RABGAP1: variants seen among roughly 807,000 people sequenced by gnomAD.
RABGAP1 encodes the protein rab GTPase-activating protein 1.
A neutral mutation model predicts 137.6 loss-of-function variants in RABGAP1; 23 were observed. The ratio of observed to expected loss-of-function variants is 0.17; its 90% CI spans 0.12 to 0.24. The LOEUF (loss-of-function observed/expected upper bound fraction) is 0.24. RABGAP1 is among the 10% of genes least tolerant of loss of function. The probability of loss-of-function intolerance (pLI) is 1.00; values close to 1 mark genes in which losing one functional copy is unlikely to be tolerated. For missense variants in RABGAP1, 906 were observed against 1,275.8 expected, an observed-to-expected ratio of 0.71 and a Z score of 4.42; for synonymous variants, 451 against 450.7, an observed-to-expected ratio of 1.00 and a Z score of -0.01.
intron 13 of RABGAP1, among the ~76,000 whole-genome samples, chr9:123,036,616 A>G (rs2032677162): frequency 6.6e-6 from 1 of 152,242 alleles, no homozygotes; most frequent in Admixed American, 6.5e-5. Flanking sequence ...ACCGTAGTAT[A>G]CAGATTGTTT....
intron 10 of RABGAP1, among the ~76,000 whole-genome samples, chr9:123,003,352 C>T (rs919499826): frequency 6.6e-5 from 10 of 152,090 alleles, no homozygotes; most frequent in African/African-American, 2.4e-4. Flanking sequence ...TATATCTAAG[C>T]CTTTTAAAAG....
At chr9:122,938,159 C>A (rs1833419678), upstream of RABGAP1, 1 of 152,166 alleles carries the variant, frequency 6.6e-6, no homozygotes, top group African/African-American at 2.4e-5. Context: ...CGTTTTACCT[C>A]CTGCTTCCTT....
chr9:123,064,033 C>T (rs2034079820), intron 13 of RABGAP1, among the ~76,000 whole-genome samples: 1 of 152,140 alleles, frequency 6.6e-6, no homozygotes, highest in African/African-American at 2.4e-5. Context: ...CGTGCTCTCT[C>T]ACTCGCTCTC....
At chr9:122,976,190 C>G (rs944883858) in intron 2 of RABGAP1, among the ~76,000 whole-genome samples, 6 of 152,022 alleles carry the variant, frequency 3.9e-5, no homozygotes. Flanking sequence ...CTGCTAAATG[C>G]TAAATTGGCC....
chr9:122,994,952 C>T lies in RABGAP1; in HGVS notation c.924-1089C>T, dbSNP rs187447745. 3.1e-4 allele frequency among the ~76,000 whole-genome samples: 47 copies of T among 151,976 alleles called. 1 individual carries two copies. The East Asian group carries it at 8.1e-3, about 26-fold the overall frequency. On this transcript the variant is annotated intron_variant, in intron 6 of 25. Transcript: ENST00000373647. ...GGCAACATAGCAAGATCCATCTCTA[C>T]CAAAAATTTAAAAAATTAGCTAGGC...
At chr9:123,003,326 T>A (rs2029900855) in intron 10 of RABGAP1, among the ~76,000 whole-genome samples, 1 of 152,224 alleles carries the variant, frequency 6.6e-6, no homozygotes, top group Admixed American at 6.5e-5. Context: ...TTATGGGATG[T>A]TATATGAACA....
intron 6 of RABGAP1, among the ~76,000 whole-genome samples, chr9:122,995,612 A>G (rs914983734): frequency 2.2e-4 from 26 of 119,902 alleles, no homozygotes; most frequent in South Asian, 5.3e-4. Context: ...TCTGTCACCC[A>G]TGCTGGAGTG....
In RABGAP1 at chr9:123,047,919, G is replaced by GTTTTTTTTTT. The variant is rs59639446; in HGVS notation, c.1795-17402_1795-17393dup. The stretch of plus-strand genomic sequence containing the variant: ...TATCTAGCCATTTTACAGCTGCTGG[G>GTTTTTTTTTT]TTTTTTTTTTTTTTTTTTTTTTTTT... On this transcript the variant is annotated intron_variant, in intron 13 of 25. Coordinates refer to ENST00000373647, the MANE Select transcript of RABGAP1 (RefSeq NM_012197.4). Among the ~76,000 whole-genome samples the GTTTTTTTTTT allele has an allele frequency of 2.9e-4, 18 of 62,282 alleles. 4 individuals are homozygous for GTTTTTTTTTT. The highest frequency in any genetic ancestry group is 4.3e-4 in the Non-Finnish European group (12 of 28,026). The allele number at this position is 62,282 out of a possible 152,430, so 40.9% of individuals were successfully genotyped here.
chr9:123,054,183 C>T (rs1331308777), intron 13 of RABGAP1, among the ~76,000 whole-genome samples: 1 of 152,200 alleles, frequency 6.6e-6, no homozygotes, highest in African/African-American at 2.4e-5. Context: ...ATTGGATACA[C>T]TCAAAGATCA....
At position 122,991,665 on chromosome 9, in the gene RABGAP1, C is replaced by G. The variant is rs571900171; in HGVS notation, c.923+1452C>G. Among the ~76,000 whole-genome samples, 160 of 149,458 alleles carry G rather than the reference C, an allele frequency of 1.1e-3. 1 individual carries two copies. Among genetic ancestry groups the G allele is most frequent in the African/African-American group, 3.5e-3 (142 of 40,088 alleles). The stretch of plus-strand genomic sequence containing the variant: ...TTGCTCAGGCTTGAATGCAATGGTA[C>G]AAACATGACTCACTGCAGCCTCAGC... On this transcript the variant is annotated intron_variant, in intron 6 of 25. Transcript: ENST00000373647.
intron 2 of RABGAP1, among the ~76,000 whole-genome samples, chr9:122,965,617 C>T (rs1262110344): frequency 6.6e-6 from 1 of 152,196 alleles, no homozygotes; most frequent in African/African-American, 2.4e-5. Context: ...CTCCTGACCT[C>T]AGGTGATCCG....
intron 13 of RABGAP1, among the ~76,000 whole-genome samples, chr9:123,055,171 A>G (rs182009033): frequency 9.9e-5 from 15 of 152,172 alleles, no homozygotes; most frequent in African/African-American, 3.1e-4. Context: ...TTATGTAAGT[A>G]TGGACTCCTG....
At position 122,967,343 on chromosome 9, in the gene RABGAP1, G is replaced by A. The variant is rs181011513; in HGVS notation, c.150+10134G>A. Among the ~76,000 whole-genome samples the A allele has an allele frequency of 3.9e-5, 6 of 152,208 alleles. No individual in the cohort carries two copies. The East Asian group carries it at 7.7e-4, about 20-fold the overall frequency. On this transcript the variant is annotated intron_variant, in intron 2 of 25. Transcript: ENST00000373647. The stretch of plus-strand genomic sequence containing the variant: ...CAAGGACTTTTGCTATAAAATGAGG[G>A]CAGAAAAATTGAGTGATAGCTGCCA...
At position 123,034,723 on chromosome 9, in the gene RABGAP1, T is replaced by C. The variant is rs758802948; in HGVS notation, c.1794+14264T>C. 4.3e-6 allele frequency: 7 copies of C among 1,613,926 alleles called. No homozygotes were observed. In the South Asian group the frequency reaches 7.7e-5, roughly 18 times the overall value. On this transcript the variant is annotated intron_variant, in intron 13 of 25. Transcript: ENST00000373647. ...TGGCAACATCATTGTGATTTTTGTA[T>C]TTCACTGTGCACCTTTGTTGAACCA... is the stretch of plus-strand genomic sequence containing the variant.
chr9:123,034,504 T>G (rs931776190), intron 13 of RABGAP1: 10 of 1,026,466 alleles, frequency 9.7e-6, no homozygotes, highest in Admixed American at 2.1e-5. Flanking sequence ...AGCAGCTGCT[T>G]CTTTGAACTG....
chr9:123,078,849 C>T (rs926427070), intron 19 of RABGAP1, among the ~76,000 whole-genome samples: 1 of 152,150 alleles, frequency 6.6e-6, no homozygotes, highest in Non-Finnish European at 1.5e-5. Context: ...CTAATCTAAC[C>T]ATCATCATCC....
At chr9:123,076,170 TG>T in intron 17 of RABGAP1, 74 bp from the exon 18 acceptor site, 1 of 1,406,374 alleles carries the variant, frequency 7.1e-7, no homozygotes, top group South Asian at 1.3e-5. Flanking sequence ...TTTAAAAATG[TG>T]GGGTATAAGG....
At chr9:123,073,370 A>G (rs73664102) in intron 15 of RABGAP1, among the ~76,000 whole-genome samples, 182 bp from the exon 16 acceptor site, 4 of 152,340 alleles carry the variant, frequency 2.6e-5, no homozygotes, top group African/African-American at 7.2e-5. Flanking sequence ...ATTGTTAACT[A>G]TTCCTTGTTT....
intron 13 of RABGAP1, among the ~76,000 whole-genome samples, chr9:123,054,340 A>G (rs772619846): frequency 1.1e-4 from 16 of 152,214 alleles, no homozygotes; most frequent in Admixed American, 3.9e-4. Context: ...GAGTGCTTTA[A>G]TAAGTTCTGG....
Sources: gnomAD v4.1 joint callset for allele counts (sites outside exome capture counted in the v4.1 genomes callset) on GRCh38, gnomAD v4.1.1 for gene constraint, MANE v1.5 for transcripts, NCBI Gene and HGNC (gene_info 2026-07-23, HGNC 2026-07-21) for gene names.